The following ARAP1 variants were observed in gnomAD, a reference collection of about 807,000 sequenced individuals.
ARAP1 encodes the protein ArfGAP with RhoGAP domain, ankyrin repeat and PH domain 1, also known as arf-GAP with Rho-GAP domain, ANK repeat and PH domain-containing protein 1.
ARAP1 carries 76 observed loss-of-function variants against 172.2 expected under a neutral mutation model. The ratio of observed to expected loss-of-function variants is 0.44; its 90% CI spans 0.37 to 0.53. The LOEUF (loss-of-function observed/expected upper bound fraction) is 0.53. Among genes scored for constraint, ARAP1 ranks in the 20% least tolerant of loss-of-function variants. The probability of loss-of-function intolerance (pLI) is 0.00; values close to 1 mark genes in which losing one functional copy is unlikely to be tolerated. For missense variants in ARAP1, 1,686 were observed against 1,977.5 expected, an observed-to-expected ratio of 0.85 and a Z score of 2.80; for synonymous variants, 804 against 803.3, an observed-to-expected ratio of 1.00 and a Z score of -0.01.
chr11:72,713,485 G>C (rs1488619459), intron 4 of ARAP1, among the ~76,000 whole-genome samples: 1 of 152,180 alleles, frequency 6.6e-6, no homozygotes, highest in Admixed American at 6.5e-5. Flanking sequence ...CCAGTGGTGA[G>C]CTTGGGGGTT....
At chr11:72,721,496 C>T (rs1857509587) in intron 3 of ARAP1, among the ~76,000 whole-genome samples, 1 of 152,060 alleles carries the variant, frequency 6.6e-6, no homozygotes, top group African/African-American at 2.4e-5. Flanking sequence ...ACCAGGCCCC[C>T]AAGGGGCAAG....
intron 1 of ARAP1, among the ~76,000 whole-genome samples, chr11:72,734,406 G>C (rs932149972): frequency 6.6e-6 from 1 of 152,150 alleles, no homozygotes; most frequent in South Asian, 2.1e-4. Context: ...ATAGGCATAA[G>C]CCACTGCACC....
chr11:72,741,794 C>A lies in ARAP1; in HGVS notation c.-127-9197G>T, dbSNP rs1858208387. ...CACCACGTGCCCTGGGGGCCGAGGGCCAGCACCCACCCTGCCCCAAGAGGG... is the reference window on the plus strand; with the variant it reads ...CACCACGTGCCCTGGGGGCCGAGGGACAGCACCCACCCTGCCCCAAGAGGG... On this transcript the variant is annotated intron_variant, in intron 1 of 34. Transcript: ENST00000393609. This position sits in a 1 kb window ranked among gnomAD's most constrained non-coding sequence, Gnocchi z 4.5. Among the ~76,000 whole-genome samples, 1 of 152,096 alleles carries A rather than the reference C, an allele frequency of 6.6e-6. No individual in the cohort carries two copies. The highest frequency in any genetic ancestry group is 1.5e-5 in the Non-Finnish European group (1 of 67,992).
At chr11:72,688,731 G>A in intron 30 of ARAP1, 194 bp from the exon 31 acceptor site, 1 of 564,478 alleles carries the variant, frequency 1.8e-6, no homozygotes. Context: ...CCAGCCCTAG[G>A]CCCCCAAGGC....
chr11:72,704,706 G>A (rs1856675631), intron 13 of ARAP1: 5 of 212,854 alleles, frequency 2.3e-5, no homozygotes, highest in Non-Finnish European at 3.8e-5. Context: ...TCAGCCAATG[G>A]GGTGGGCAGG....
chr11:72,713,910 C>T (rs567457988), intron 4 of ARAP1, among the ~76,000 whole-genome samples: 1 of 151,588 alleles, frequency 6.6e-6, no homozygotes, highest in East Asian at 1.9e-4. Context: ...CCATGGGTAA[C>T]TGGCAAAGCC....
Position 72,693,692 on chromosome 11 carries a change from C to A in ARAP1, c.3808G>T (p.Ala1270Ser). The stretch of plus-strand genomic sequence containing the variant: ...TGGCCACCCTGCAGGCACCACCTAC[C>A]CAGGTACAGCAGCATGGCCTCCATG... ...QAMEAMLLYL[A>S]SRVGDTKHGM... Residue 1270 changes from alanine to serine, a missense_variant and splice_region_variant, in exon 28 of 35, where the codon GCC (alanine) becomes TCC (serine). Physicochemically the swap from Ala to Ser is moderately conservative, Grantham distance 99. Transcript: ENST00000393609. The surrounding 1 kb of genome is among the most constrained non-coding windows in gnomAD (Gnocchi z 4.6). The A allele has an allele frequency of 6.2e-7, 1 of 1,603,722 alleles. No homozygotes were observed. The highest frequency in any genetic ancestry group is 8.5e-7 in the Non-Finnish European group (1 of 1,175,036).
chr11:72,737,429 T>C (rs1858064397), intron 1 of ARAP1, among the ~76,000 whole-genome samples: 2 of 152,116 alleles, frequency 1.3e-5, no homozygotes, highest in African/African-American at 4.8e-5. Context: ...TCACCCCTTC[T>C]CTGTCCCAGC....
intron 3 of ARAP1, among the ~76,000 whole-genome samples, chr11:72,719,949 C>T (rs1368883864): frequency 1.3e-5 from 2 of 152,196 alleles, no homozygotes; most frequent in Non-Finnish European, 2.9e-5. Context: ...TATCGCAGGC[C>T]TCCCCTCACA....
chr11:72,709,107 T>A (rs1407884622), intron 11 of ARAP1, among the ~76,000 whole-genome samples: 1 of 148,656 alleles, frequency 6.7e-6, no homozygotes, highest in Non-Finnish European at 1.5e-5. Context: ...GAGACAGGCC[T>A]CTGGGAAGAA....
chr11:72,738,313 CTT>C (rs1455855049), intron 1 of ARAP1, among the ~76,000 whole-genome samples: 1 of 152,206 alleles, frequency 6.6e-6, no homozygotes, highest in African/African-American at 2.4e-5. Flanking sequence ...GTGGCTCTCT[CTT>C]GAGGCCTCCC....
At position 72,714,138 on chromosome 11, in the gene ARAP1, G is replaced by A; in HGVS notation, c.679+14C>T. 1 of 1,453,008 alleles carries A rather than the reference G, an allele frequency of 6.9e-7. No homozygotes were observed. The highest frequency in any genetic ancestry group is 9.0e-7 in the Non-Finnish European group (1 of 1,107,188). 90.0% of individuals were successfully genotyped at this position (1,453,008 alleles called of 1,614,324 possible). A position where few individuals can be genotyped will look rare whatever the true frequency, so the allele number is the denominator to read the frequency against. ...CATCCACCCAGAGCCCCATCTCCTG[G>A]CTGCAGCACTCACCGAACTCTGGGA... On this transcript the variant is annotated intron_variant, in intron 4 of 34. Transcript: ENST00000393609.
intron 11 of ARAP1, chr11:72,708,238 G>A (rs1289915512): frequency 6.6e-6 from 1 of 152,146 alleles, no homozygotes; most frequent in Non-Finnish European, 1.5e-5. Context: ...ACTTTATGGA[G>A]GTGCTGGAGA....
chr11:72,702,861 G>T, intron 15 of ARAP1, 44 bp downstream of exon 15: 1 of 1,545,408 alleles, frequency 6.5e-7, no homozygotes. Flanking sequence ...AACCCCACCA[G>T]GCACTGCACA....
intron 4 of ARAP1, among the ~76,000 whole-genome samples, chr11:72,713,587 C>T (rs1857132228): frequency 6.6e-6 from 1 of 152,106 alleles, no homozygotes; most frequent in African/African-American, 2.4e-5. Flanking sequence ...GTGGCTCATG[C>T]CTGTAATCCC....
intron 16 of ARAP1, chr11:72,700,555 T>A (rs1856435720): frequency 6.6e-6 from 1 of 152,406 alleles, no homozygotes; most frequent in South Asian, 2.1e-4. Context: ...ATTCTGCAGG[T>A]ATTTGCCAAG....
chr11:72,744,787 G>A (rs975852011), intron 1 of ARAP1, among the ~76,000 whole-genome samples: 1 of 152,232 alleles, frequency 6.6e-6, no homozygotes, highest in African/African-American at 2.4e-5. Context: ...ACTGAGAAAT[G>A]TGGGTTTTCA....
Position 72,693,011 on chromosome 11 carries a change from A to G in ARAP1, c.3955-226T>C. The G allele has an allele frequency of 1.5e-6, 1 of 649,938 alleles. No individual in the cohort carries two copies. Among genetic ancestry groups the G allele is most frequent in the South Asian group, 1.9e-5 (1 of 53,254 alleles). 40.3% of individuals were successfully genotyped at this position (649,938 alleles called of 1,614,324 possible). On this transcript the variant is annotated intron_variant, in intron 29 of 34. Transcript: ENST00000393609. This position sits in a 1 kb window ranked among gnomAD's most constrained non-coding sequence, Gnocchi z 4.6. ...CGATATGACAAGGCATGCATGCACA[A>G]CTTGGGGCTGTCATCAAGTAACAGG...
At chr11:72,692,101 C>T (rs1430301137) in intron 30 of ARAP1, among the ~76,000 whole-genome samples, 5 of 152,170 alleles carry the variant, frequency 3.3e-5, no homozygotes, top group Non-Finnish European at 1.5e-5. Context: ...GGCATCTATG[C>T]TCTGTAGCCC....
Sources: allele counts gnomAD v4.1 joint callset (sites outside exome capture counted in the v4.1 genomes callset), GRCh38; gene constraint gnomAD v4.1.1; non-coding constraint Gnocchi (gnomAD v3.1); transcripts MANE v1.5; gene names NCBI Gene and HGNC (gene_info 2026-07-23, HGNC 2026-07-21).